The following PCCA variants were observed in gnomAD, a reference collection of about 807,000 sequenced individuals.
PCCA encodes propionyl-CoA carboxylase alpha chain, mitochondrial.
In PCCA, 74 loss-of-function variants were observed where a neutral mutation model predicts 101.3. The ratio of observed to expected loss-of-function variants is 0.73; its 90% CI spans 0.61 to 0.89. The LOEUF (loss-of-function observed/expected upper bound fraction) is 0.89. Among genes scored for constraint, PCCA ranks in the 40% least tolerant of loss-of-function variants. PCCA has a pLI of 0.00. For synonymous variants in PCCA, 294 were observed against 313.6 expected, an observed-to-expected ratio of 0.94 and a Z score of 0.66; for missense variants, 891 against 907.0, an observed-to-expected ratio of 0.98 and a Z score of 0.23.
chr13:100,203,046 G>A (rs2058623683), intron 6 of PCCA, among the ~76,000 whole-genome samples: 1 of 152,052 alleles, frequency 6.6e-6, no homozygotes, highest in South Asian at 2.1e-4. Flanking sequence ...GCCAAGGTAG[G>A]CGGATCACGA....
chr13:100,522,402 C>T (rs1405936185), intron 22 of PCCA, among the ~76,000 whole-genome samples: 4 of 152,186 alleles, frequency 2.6e-5, no homozygotes, highest in Non-Finnish European at 5.9e-5. Flanking sequence ...TATCCAGATA[C>T]TCCAATGACT....
chr13:100,097,612 G>C (rs919347640), intron 1 of PCCA, among the ~76,000 whole-genome samples: 3 of 152,066 alleles, frequency 2.0e-5, no homozygotes, highest in African/African-American at 4.8e-5. Context: ...CCAGCTACTC[G>C]GGAGGCTGAG....
chr13:100,316,667 A>C (rs2067380347), intron 16 of PCCA, among the ~76,000 whole-genome samples: 1 of 152,198 alleles, frequency 6.6e-6, no homozygotes, highest in Non-Finnish European at 1.5e-5. Flanking sequence ...GGTTCCACCT[A>C]TTTTAACATT....
intron 20 of PCCA, among the ~76,000 whole-genome samples, chr13:100,444,647 T>C (rs1173435090): frequency 1.3e-5 from 2 of 152,018 alleles, no homozygotes; most frequent in Admixed American, 6.6e-5. Flanking sequence ...TTCACCATGT[T>C]AGCCAGGATG....
At chr13:100,337,764 C>T (rs1005768219) in intron 17 of PCCA, among the ~76,000 whole-genome samples, 2 of 152,150 alleles carry the variant, frequency 1.3e-5, no homozygotes, top group African/African-American at 4.8e-5. Context: ...ATGGGTTCCC[C>T]TAATGCATTG....
At chr13:100,309,346 G>A (rs1422449537) in intron 15 of PCCA, among the ~76,000 whole-genome samples, 1 of 152,202 alleles carries the variant, frequency 6.6e-6, no homozygotes, top group African/African-American at 2.4e-5. Context: ...GCAGTGAGCT[G>A]AGATTGCGCC....
chr13:100,386,971 A>G (rs2076545803), intron 19 of PCCA, among the ~76,000 whole-genome samples: 2 of 152,202 alleles, frequency 1.3e-5, no homozygotes, highest in Middle Eastern at 3.2e-3. Flanking sequence ...AAGGGTCTGT[A>G]AGATGGAGCA....
chr13:100,384,026 GAT>G (rs2076367413), intron 19 of PCCA, among the ~76,000 whole-genome samples: 1 of 103,988 alleles, frequency 9.6e-6, no homozygotes, highest in African/African-American at 3.5e-5. Flanking sequence ...TTGAAAGTTT[GAT>G]TTTTTTTTTT....
chr13:100,342,544 A>G (rs1367636631), intron 18 of PCCA, among the ~76,000 whole-genome samples: 1 of 151,828 alleles, frequency 6.6e-6, no homozygotes, highest in Non-Finnish European at 1.5e-5. Flanking sequence ...CTGGGATTAT[A>G]GGCATGAGCC....
chr13:100,103,529 C>G (rs1202093667), intron 2 of PCCA, among the ~76,000 whole-genome samples: 1 of 151,870 alleles, frequency 6.6e-6, no homozygotes, highest in East Asian at 1.9e-4. Flanking sequence ...CCAGGATGGT[C>G]TCGAACTCCT....
Position 100,157,323 on chromosome 13 carries a change from G to A in PCCA, c.451G>A (p.Glu151Lys). The change falls in exon 6 of 24, where the codon GAA becomes AAA. Residue 151 changes from glutamate to lysine, a missense_variant. By Grantham distance (56) the Glu-to-Lys change is moderately conservative. Transcript: ENST00000376285. ...PGYGFLSENK[E>K]FARCLAAEDV... ...TTATGGATTCCTTTCAGAAAACAAA[G>A]AATTTGCCAGATGTTTGGTAAGTTG... 6.2e-7 allele frequency: 1 copy of A among 1,610,658 alleles called. No homozygotes were observed. The highest frequency in any genetic ancestry group is 8.5e-7 in the Non-Finnish European group (1 of 1,177,108).
At chr13:100,097,556 C>T (rs1239041723) in intron 1 of PCCA, among the ~76,000 whole-genome samples, 1 of 152,006 alleles carries the variant, frequency 6.6e-6, no homozygotes, top group Non-Finnish European at 1.5e-5. Flanking sequence ...CCCATCTCTA[C>T]TAAAAATACA....
At chr13:100,475,576 C>A (rs1037378689) in intron 21 of PCCA, among the ~76,000 whole-genome samples, 1 of 152,154 alleles carries the variant, frequency 6.6e-6, no homozygotes, top group South Asian at 2.1e-4. Context: ...CCTGTCTTTT[C>A]GGCTACTGTG....
intron 4 of PCCA, among the ~76,000 whole-genome samples, chr13:100,126,814 G>A (rs1250335823): frequency 6.6e-6 from 1 of 152,080 alleles, no homozygotes; most frequent in Non-Finnish European, 1.5e-5. Flanking sequence ...ATTATTGTGA[G>A]CACTGCCAAA....
chr13:100,396,548 A>AG (rs941479014), intron 19 of PCCA, among the ~76,000 whole-genome samples: 31 of 152,350 alleles, frequency 2.0e-4, no homozygotes, highest in Admixed American at 1.4e-3. Flanking sequence ...ATAAGACAAA[A>AG]GGGAGCCACA....
intron 19 of PCCA, among the ~76,000 whole-genome samples, chr13:100,390,947 C>T (rs573532287): frequency 6.6e-6 from 1 of 151,840 alleles, no homozygotes; most frequent in South Asian, 2.1e-4. Context: ...GTGCTGATAA[C>T]AGGTGCCAGA....
intron 12 of PCCA, among the ~76,000 whole-genome samples, chr13:100,293,458 A>G (rs1304971693): frequency 6.6e-6 from 1 of 152,234 alleles, no homozygotes; most frequent in Non-Finnish European, 1.5e-5. Flanking sequence ...AATTGAACAA[A>G]TACCATATTC....
chr13:100,197,003 A>G (rs2039677), intron 6 of PCCA, among the ~76,000 whole-genome samples: 49,055 of 151,946 alleles, frequency 0.32, 8,777 homozygotes, highest in East Asian at 0.72. Flanking sequence ...CCCACAGTCA[A>G]TGTTGGGGAA....
rs886611780 is a variant in PCCA, at chr13:100,464,245, T to A, written c.1899+14940T>A. Among the ~76,000 whole-genome samples, 3 of 152,176 alleles carry A rather than the reference T, an allele frequency of 2.0e-5. No homozygotes were observed. The South Asian group carries it at 6.2e-4, about 32-fold the overall frequency. ...GGATCGGGCAGGGGTGGGGGAGGAATAAGTAGAGTTTGTCTTCCTGCATTT... is the reference window on the plus strand; with the variant it reads ...GGATCGGGCAGGGGTGGGGGAGGAAAAAGTAGAGTTTGTCTTCCTGCATTT... On this transcript the variant is annotated intron_variant, in intron 21 of 23. Transcript: ENST00000376285.
Sources: gnomAD v4.1 joint callset for allele counts (sites outside exome capture counted in the v4.1 genomes callset) on GRCh38, gnomAD v4.1.1 for gene constraint, MANE v1.5 for transcripts, NCBI Gene and HGNC (gene_info 2026-07-23, HGNC 2026-07-21) for gene names.